TSPAN14: variants seen among roughly 807,000 people sequenced by gnomAD.
TSPAN14 encodes tetraspanin 14.
TSPAN14 carries 16 observed loss-of-function variants against 36.6 expected under a neutral mutation model. The observed-to-expected ratio is 0.44, with a 90% CI of 0.30 to 0.66. The LOEUF (loss-of-function observed/expected upper bound fraction) is 0.66. Among genes scored for constraint, TSPAN14 ranks in the 30% least tolerant of loss-of-function variants. The pLI, the probability that TSPAN14 is intolerant of heterozygous loss-of-function variation, is 0.12. For synonymous variants in TSPAN14, 139 were observed against 143.8 expected (o/e 0.97, Z 0.24); for missense variants, 231 against 355.1 (o/e 0.65, Z 2.81).
At chr10:80,518,385 C>T (rs1050055688) in exon 9 of TSPAN14, 27 of 219,820 alleles carry the variant, frequency 1.2e-4, no homozygotes, top group Non-Finnish European at 2.3e-4. Context: ...GTGGGTGGGC[C>T]GTGGGTAGAG....
chr10:80,502,768 A>G (rs76738638), intron 2 of TSPAN14, among the ~76,000 whole-genome samples: 3,531 of 152,208 alleles, frequency 0.023, 156 homozygotes, highest in African/African-American at 0.08. Context: ...GACCGGGGGC[A>G]TGGCCAGGAC....
chr10:80,512,659 G>T (rs949161275), intron 6 of TSPAN14, among the ~76,000 whole-genome samples: 2 of 152,102 alleles, frequency 1.3e-5, no homozygotes, highest in Non-Finnish European at 2.9e-5. Flanking sequence ...ATCATTAACT[G>T]GGGAACAGTA....
intron 8 of TSPAN14, among the ~76,000 whole-genome samples, chr10:80,517,327 T>G (rs1840990544): frequency 6.6e-6 from 1 of 152,118 alleles, no homozygotes; most frequent in Non-Finnish European, 1.5e-5. Flanking sequence ...CACACAAGAA[T>G]TTAAAGGGAA....
At chr10:80,518,224 A>T (rs1254459613) in exon 9 of TSPAN14, 1 of 546,934 alleles carries the variant, frequency 1.8e-6, no homozygotes, top group Non-Finnish European at 3.3e-6. Context: ...ATGTGTCTTT[A>T]TGTGGGAGTG....
chr10:80,501,441 T>C (rs1848519161), intron 2 of TSPAN14, among the ~76,000 whole-genome samples: 1 of 152,142 alleles, frequency 6.6e-6, no homozygotes, highest in African/African-American at 2.4e-5. Flanking sequence ...TGGGAAACAA[T>C]ACCCTTAGAA....
rs560148065 is a variant in TSPAN14 at position 80,509,598 on chromosome 10, G to A, written c.450+127G>A. ...CCTGCAGCTTGGCAGACAGCAGGGAGGCCGTGGAACAAGCCACTCCACCTC... is the reference window on the plus strand; with the variant it reads ...CCTGCAGCTTGGCAGACAGCAGGGAAGCCGTGGAACAAGCCACTCCACCTC... On this transcript the variant is annotated intron_variant, in intron 5 of 8. Coordinates refer to ENST00000429989, the Ensembl canonical transcript of TSPAN14. This position sits in a 1 kb window ranked among gnomAD's most constrained non-coding sequence, Gnocchi z 4.7. 2.6e-5 allele frequency: 27 copies of A among 1,019,362 alleles called. 1 individual carries two copies. In the South Asian group the frequency reaches 4.0e-4, roughly 15 times the overall value. The allele number at this position is 1,019,362 out of a possible 1,614,324, so 63.1% of individuals were successfully genotyped here.
chr10:80,456,874 C>A (rs947169218), intron 1 of TSPAN14, among the ~76,000 whole-genome samples: 1 of 151,920 alleles, frequency 6.6e-6, no homozygotes, highest in African/African-American at 2.4e-5. Context: ...ACCAGCCTGA[C>A]CAACACGGTG....
At chr10:80,507,469 G>T in intron 4 of TSPAN14, 95 bp downstream of exon 4, 7 of 1,538,144 alleles carry the variant, frequency 4.6e-6, no homozygotes, top group Non-Finnish European at 5.3e-6. Context: ...GCAGGTGGCA[G>T]CTCTTAGGAG....
At chr10:80,518,223 T>C (rs1268761007) in exon 9 of TSPAN14, 1 of 548,590 alleles carries the variant, frequency 1.8e-6, no homozygotes, top group East Asian at 3.1e-5. Context: ...AATGTGTCTT[T>C]ATGTGGGAGT....
At chr10:80,489,177 G>A (rs1227244437) in intron 1 of TSPAN14, 40 bp from the exon 2 acceptor site, 7 of 1,384,554 alleles carry the variant, frequency 5.1e-6, no homozygotes, top group South Asian at 2.5e-5. Context: ...AGGTTTTAAC[G>A]CTGAGCCTGC....
intron 1 of TSPAN14, among the ~76,000 whole-genome samples, chr10:80,477,716 T>C (rs565381971): frequency 6.6e-6 from 1 of 152,164 alleles, no homozygotes; most frequent in Non-Finnish European, 1.5e-5. Flanking sequence ...CCTCCGACTT[T>C]AGCTGCATGT....
intron 2 of TSPAN14, among the ~76,000 whole-genome samples, chr10:80,494,592 T>C (rs1848091200): frequency 6.6e-6 from 1 of 152,200 alleles, no homozygotes; most frequent in Non-Finnish European, 1.5e-5. Flanking sequence ...ATAGAGGACT[T>C]GCCACCTCCC....
At chr10:80,504,886 G>T in intron 3 of TSPAN14, 108 bp downstream of exon 3, 1 of 1,198,964 alleles carries the variant, frequency 8.3e-7, no homozygotes, top group Admixed American at 1.7e-5. Flanking sequence ...CATTTCTTGT[G>T]CAGTGTCAAG....
chr10:80,456,972 G>T (rs2131945272), intron 1 of TSPAN14, among the ~76,000 whole-genome samples: 1 of 152,234 alleles, frequency 6.6e-6, no homozygotes, highest in East Asian at 1.9e-4. Flanking sequence ...TGAGGCAGGA[G>T]AATTGCTTCA....
In TSPAN14 at chr10:80,509,143, T is replaced by G. The variant is rs1840465771; in HGVS notation, c.280-158T>G. 6.6e-6 allele frequency among the ~76,000 whole-genome samples: 1 copy of G among 152,314 alleles called. No homozygotes were observed. Among genetic ancestry groups the G allele is most frequent in the East Asian group, 1.9e-4 (1 of 5,178 alleles). ...GCGAAGTTGTGCAGAGTCACCCAGC[T>G]AACTCTAAGTGTGGGGTTCTGGGGC... On this transcript the variant is annotated intron_variant, in intron 4 of 8. Coordinates refer to ENST00000429989, the Ensembl canonical transcript of TSPAN14. The surrounding 1 kb of genome is among the most constrained non-coding windows in gnomAD (Gnocchi z 4.7).
chr10:80,513,929 T>G, intron 6 of TSPAN14, 90 bp from the exon 7 acceptor site: 1 of 1,076,696 alleles, frequency 9.3e-7, no homozygotes, highest in Non-Finnish European at 1.4e-6. Flanking sequence ...CACAAATGTT[T>G]GCTAGTGTTT....
chr10:80,503,143 G>A (rs918436096), intron 2 of TSPAN14, among the ~76,000 whole-genome samples: 1 of 152,072 alleles, frequency 6.6e-6, no homozygotes, highest in African/African-American at 2.4e-5. Flanking sequence ...TGCAGGATTC[G>A]GCAGGTGGTG....
chr10:80,501,148 C>T (rs1848495013), intron 2 of TSPAN14, among the ~76,000 whole-genome samples: 1 of 148,354 alleles, frequency 6.7e-6, no homozygotes, highest in Non-Finnish European at 1.5e-5. Context: ...TGGTCTTACT[C>T]TGTTACCACC....
chr10:80,504,495 G>C (rs750813809), intron 2 of TSPAN14, among the ~76,000 whole-genome samples: 1 of 152,254 alleles, frequency 6.6e-6, no homozygotes, highest in Admixed American at 6.5e-5. Flanking sequence ...TCCGCTCTGA[G>C]ATCTTTTCCT....
Sources: gnomAD v4.1 joint callset for allele counts (sites outside exome capture counted in the v4.1 genomes callset) on GRCh38, gnomAD v4.1.1 for gene constraint, Gnocchi (gnomAD v3.1) non-coding constraint, MANE v1.5 for transcripts, NCBI Gene and HGNC (gene_info 2026-07-23, HGNC 2026-07-21) for gene names.